The following KCNH1 variants were observed in gnomAD, a reference collection of about 807,000 sequenced individuals.
The protein encoded by KCNH1 is potassium voltage-gated channel subfamily H member 1, also known as voltage-gated delayed rectifier potassium channel KCNH1.
A neutral mutation model predicts 69.2 loss-of-function variants in KCNH1; 27 were observed. The observed-to-expected ratio is 0.39, with a 90% CI of 0.29 to 0.54. The LOEUF (loss-of-function observed/expected upper bound fraction) is 0.54. Among genes scored for constraint, KCNH1 ranks in the 20% least tolerant of loss-of-function variants. The pLI is 0.68. For missense variants in KCNH1, 798 were observed against 1,261.6 expected (o/e 0.63, Z 5.57); for synonymous variants, 456 against 487.7 (o/e 0.93, Z 0.86).
intron 1 of KCNH1, among the ~76,000 whole-genome samples, chr1:211,120,880 C>T (rs988245499): frequency 6.6e-6 from 1 of 152,136 alleles, no homozygotes. Flanking sequence ...CATTCCTTTA[C>T]ACCAACAATA....
intron 10 of KCNH1, among the ~76,000 whole-genome samples, chr1:210,737,639 C>T (rs1275653086): frequency 1.3e-5 from 2 of 152,168 alleles, no homozygotes; most frequent in African/African-American, 2.4e-5. Context: ...ATGCCCTCTC[C>T]CCCTGCACAT....
chr1:210,811,559 C>T (rs56963573), intron 7 of KCNH1, among the ~76,000 whole-genome samples: 4,795 of 152,216 alleles, frequency 0.032, 246 homozygotes, highest in African/African-American at 0.11. Context: ...AAAAAAGACT[C>T]CTCTTTGCTG....
intron 7 of KCNH1, among the ~76,000 whole-genome samples, chr1:210,856,810 T>A (rs1191054963): frequency 8.1e-6 from 1 of 124,044 alleles, no homozygotes; most frequent in Non-Finnish European, 1.8e-5. Context: ...TTTATATATA[T>A]ATTATATATA....
At chr1:210,856,899 A>ATATATATATATATATATATATAT (rs57245090) in intron 7 of KCNH1, among the ~76,000 whole-genome samples, 17 of 121,706 alleles carry the variant, frequency 1.4e-4, no homozygotes, top group African/African-American at 2.8e-4. Flanking sequence ...ATATATATAT[A>ATATATATATATATATATATATAT]AAATACTCAT....
intron 6 of KCNH1, among the ~76,000 whole-genome samples, chr1:211,014,251 G>A (rs1412905087): frequency 2.0e-5 from 3 of 152,118 alleles, no homozygotes; most frequent in South Asian, 2.1e-4. Flanking sequence ...TTTAACACAC[G>A]AAGCACACTA....
intron 7 of KCNH1, among the ~76,000 whole-genome samples, chr1:210,821,907 G>A (rs1379837975): frequency 6.6e-6 from 1 of 151,752 alleles, no homozygotes; most frequent in Non-Finnish European, 1.5e-5. Flanking sequence ...CATGATCATA[G>A]CTCATTGCAG....
At chr1:210,840,168 G>T (rs1388960306) in intron 7 of KCNH1, among the ~76,000 whole-genome samples, 1 of 152,098 alleles carries the variant, frequency 6.6e-6, no homozygotes, top group East Asian at 1.9e-4. Context: ...TTTTTCTTTT[G>T]GTAAAGGCAA....
At chr1:210,686,951 A>G (rs1387613664) in intron 10 of KCNH1, among the ~76,000 whole-genome samples, 5 of 152,160 alleles carry the variant, frequency 3.3e-5, no homozygotes, top group Non-Finnish European at 2.9e-5. Context: ...GGCCCTCAGT[A>G]AATATTTGTG....
At chr1:210,915,394 C>A (rs1481227793) in intron 7 of KCNH1, among the ~76,000 whole-genome samples, 1 of 152,310 alleles carries the variant, frequency 6.6e-6, no homozygotes, top group African/African-American at 2.4e-5. Flanking sequence ...GGGACATCCT[C>A]TCCTAGATGT....
intron 6 of KCNH1, among the ~76,000 whole-genome samples, chr1:211,002,327 TG>T (rs1689201914): frequency 1.8e-5 from 1 of 54,402 alleles, no homozygotes; most frequent in Non-Finnish European, 4.5e-5. Flanking sequence ...TATATATATA[TG>T]TGTGTGTGTG....
chr1:210,855,350 G>A (rs879680423), intron 7 of KCNH1, among the ~76,000 whole-genome samples: 1 of 152,196 alleles, frequency 6.6e-6, no homozygotes, highest in Admixed American at 6.5e-5. Flanking sequence ...ATTATTGACT[G>A]TAAGCTTCTA....
At chr1:210,999,480 T>G (rs1258238756) in intron 6 of KCNH1, among the ~76,000 whole-genome samples, 16 of 152,198 alleles carry the variant, frequency 1.1e-4, no homozygotes, top group African/African-American at 3.9e-4. Context: ...ATGGAATCTC[T>G]GAATAGACCA....
chr1:211,021,680 A>G (rs1689588745), intron 5 of KCNH1, among the ~76,000 whole-genome samples: 1 of 152,144 alleles, frequency 6.6e-6, no homozygotes, highest in African/African-American at 2.4e-5. Context: ...GCATTTCCAT[A>G]CACCAATAGC....
At chr1:211,067,783 C>T (rs748147678) in intron 5 of KCNH1, among the ~76,000 whole-genome samples, 3 of 152,180 alleles carry the variant, frequency 2.0e-5, no homozygotes, top group Non-Finnish European at 4.4e-5. Context: ...GAAGGAATTG[C>T]CCCAAATGAG....
chr1:210,856,803 A>ATATATATATTATATATAT (rs376407298), intron 7 of KCNH1, among the ~76,000 whole-genome samples: 28 of 129,106 alleles, frequency 2.2e-4, no homozygotes, highest in South Asian at 9.3e-4. Context: ...ATTTATATTT[A>ATATATATATTATATATAT]TATATATATT....
chr1:210,969,509 G>A (rs967870449), intron 6 of KCNH1, among the ~76,000 whole-genome samples: 7 of 151,922 alleles, frequency 4.6e-5, no homozygotes, highest in African/African-American at 1.2e-4. Context: ...TAATTGAGTC[G>A]TTTATCTCCC....
In KCNH1 at chr1:210,859,700, G is replaced by A; in HGVS notation, c.1463-55534C>T. ...CCATTAAATAAAAGGATAAAAGCTG[G>A]CAAAATCTGTCCAGAAACCTGATTT... is the stretch of plus-strand genomic sequence containing the variant. On this transcript the variant is annotated intron_variant, in intron 7 of 10. Transcript: ENST00000271751. The A allele has an allele frequency of 2.4e-6, 3 of 1,242,328 alleles. No homozygotes were observed. The South Asian group carries it at 3.6e-5, about 15-fold the overall frequency. 77.0% of individuals were successfully genotyped at this position (1,242,328 alleles called of 1,614,324 possible).
intron 10 of KCNH1, among the ~76,000 whole-genome samples, chr1:210,718,321 AATAT>A (rs1391322772): frequency 7.6e-6 from 1 of 131,342 alleles, no homozygotes; most frequent in African/African-American, 2.9e-5. Context: ...TGTGTATATA[AATAT>A]ATATAAATAT....
chr1:211,128,282 C>CAAAAAAAAAAAA (rs374161835), intron 1 of KCNH1, among the ~76,000 whole-genome samples: 1 of 54,860 alleles, frequency 1.8e-5, no homozygotes. Flanking sequence ...GATTCTGTCT[C>CAAAAAAAAAAAA]AAAAAAAAAA....
Sources: allele counts gnomAD v4.1 joint callset (sites outside exome capture counted in the v4.1 genomes callset), GRCh38; gene constraint gnomAD v4.1.1; transcripts MANE v1.5; gene names NCBI Gene and HGNC (gene_info 2026-07-23, HGNC 2026-07-21).